The following GON4L variants were observed in gnomAD, a reference collection of about 807,000 sequenced individuals.
The protein encoded by GON4L is GON-4-like protein.
A neutral mutation model predicts 211.8 loss-of-function variants in GON4L; 87 were observed. The observed-to-expected ratio is 0.41, with a 90% CI of 0.35 to 0.49. The LOEUF (loss-of-function observed/expected upper bound fraction) is 0.49. Ranked by LOEUF, GON4L falls within the 20% of genes least tolerant of loss-of-function variation. The pLI is 0.15. For synonymous variants in GON4L, 875 were observed against 962.6 expected (o/e 0.91, Z 1.68); for missense variants, 2,155 against 2,659.5 (o/e 0.81, Z 4.17).
Position 155,758,116 on chromosome 1 carries a change from G to C in GON4L, c.5110-82C>G, listed in dbSNP as rs560086329. On this transcript the variant is annotated intron_variant, in intron 24 of 31. Transcript: ENST00000368331. ...GAGGGTTCTAAGGATAAGAACTAGT[G>C]GACTAGGACACAAGAGATGACAGAA... The C allele has an allele frequency of 3.1e-3, 455 of 145,070 alleles. 3 individuals carry two copies. The highest frequency in any genetic ancestry group is 0.013 in the African/African-American group (443 of 34,908). 9.0% of individuals were successfully genotyped at this position (145,070 alleles called of 1,614,324 possible). A position where few individuals can be genotyped will look rare whatever the true frequency, so the allele number is the denominator to read the frequency against.
At chr1:155,810,704 C>A (rs1667677696) in intron 10 of GON4L, among the ~76,000 whole-genome samples, 1 of 97,092 alleles carries the variant, frequency 1.0e-5, no homozygotes, top group African/African-American at 4.9e-5. Flanking sequence ...GAGACTCCGT[C>A]TCAAAAAAAA....
chr1:155,854,387 C>A (rs1557939139), intron 1 of GON4L, among the ~76,000 whole-genome samples: 1 of 152,130 alleles, frequency 6.6e-6, no homozygotes, highest in Non-Finnish European at 1.5e-5. Flanking sequence ...GAACTCCTGA[C>A]CTTGAGATCC....
chr1:155,842,125 C>T (rs937061838), intron 2 of GON4L, among the ~76,000 whole-genome samples: 7 of 152,094 alleles, frequency 4.6e-5, no homozygotes, highest in South Asian at 2.1e-4. Context: ...CCCTTTGGAA[C>T]TTAAGAGACC....
At chr1:155,790,684 G>A (rs1326056830) in intron 12 of GON4L, among the ~76,000 whole-genome samples, 2 of 151,908 alleles carry the variant, frequency 1.3e-5, no homozygotes, top group African/African-American at 2.4e-5. Context: ...AGTGGCTCAC[G>A]CCTGTAATCC....
At position 155,765,284 on chromosome 1, in the gene GON4L, G is replaced by A. The variant is rs751363939; in HGVS notation, c.4189C>T (p.Pro1397Ser). Residue 1397 changes from proline (P) to serine (S), a missense_variant, in exon 21 of 32, where the codon CCT becomes TCT. Around this residue, in one of 6 missense-constraint regions of GON4L, gnomAD observed 615 missense variants for 625.7 expected, o/e 0.98. Transcript: ENST00000368331. ...TCTGTCCCTGAGGTTCCTTCATCAGGGGGCTCTTGAGAAGATGAAGGGGTT... is the reference window on the plus strand; with the variant it reads ...TCTGTCCCTGAGGTTCCTTCATCAGAGGGCTCTTGAGAAGATGAAGGGGTT... ...TKTPSSSQEP[P>S]DEGTSGTDVN... 2.5e-6 allele frequency: 4 copies of A among 1,614,004 alleles called. No homozygotes were observed. The highest frequency in any genetic ancestry group is 2.2e-5 in the East Asian group (1 of 44,898).
At chr1:155,757,498 G>C (rs115003092) in intron 25 of GON4L, among the ~76,000 whole-genome samples, 175 bp from the exon 26 acceptor site, 2,209 of 152,256 alleles carry the variant, frequency 0.015, 59 homozygotes, top group African/African-American at 0.051. Context: ...GCTGCCTATA[G>C]GGGAAGGGTA....
At chr1:155,791,973 T>C (rs1033614031) in intron 12 of GON4L, among the ~76,000 whole-genome samples, 5 of 151,560 alleles carry the variant, frequency 3.3e-5, no homozygotes, top group African/African-American at 7.3e-5. Context: ...TATAAAAGGA[T>C]TGATCTTCCT....
rs780658063 is a variant in GON4L, at chr1:155,765,896, G to T, written c.3577C>A (p.Pro1193Thr). ...GAGGCCACAAGGGACTGGTTCAATGGACAGGGGAAGGAAGTAGGGTTAACC... is the reference window on the plus strand; with the variant it reads ...GAGGCCACAAGGGACTGGTTCAATGTACAGGGGAAGGAAGTAGGGTTAACC... Reference protein sequence around the residue: ...LLVNPTSFPCPLNQSLVASSV... With the variant: ...LLVNPTSFPCTLNQSLVASSV... The change falls in exon 21 of 32, where the codon CCA becomes ACA. Residue 1193 changes from proline (P) to threonine (T), a missense_variant. By Grantham distance (38) the Pro-to-Thr change is conservative. This residue lies in a region of GON4L where 615 missense variants were observed against 625.7 expected (regional missense o/e 0.98). Transcript: ENST00000368331. 1 of 1,614,170 alleles carries T rather than the reference G, an allele frequency of 6.2e-7. No individual in the cohort carries two copies. Among genetic ancestry groups the T allele is most frequent in the Non-Finnish European group, 8.5e-7 (1 of 1,180,034 alleles).
chr1:155,819,401 G>A lies in GON4L; in HGVS notation c.1014+1205C>T, dbSNP rs73001083. Among the ~76,000 whole-genome samples the A allele has an allele frequency of 5.6e-3, 853 of 152,248 alleles. 7 individuals are homozygous for A. The highest frequency in any genetic ancestry group is 0.019 in the African/African-American group (806 of 41,538). On this transcript the variant is annotated intron_variant, in intron 6 of 31. Transcript: ENST00000368331. ...CAACTGTAGGAAAAGTAATGTGGAA[G>A]AATACACCAATTCCTTTTCTTGCTT...
chr1:155,752,635 T>C (rs1660721839), intron 29 of GON4L, 45 bp from the exon 30 acceptor site: 5 of 1,555,260 alleles, frequency 3.2e-6, no homozygotes, highest in Non-Finnish European at 4.3e-6. Flanking sequence ...AGGTTCAAGA[T>C]GCACCTAAGC....
intron 6 of GON4L, 80 bp downstream of exon 6, chr1:155,820,526 C>G: frequency 1.1e-6 from 1 of 923,344 alleles, no homozygotes; most frequent in Non-Finnish European, 1.8e-6. Flanking sequence ...ACAATCTTTC[C>G]TATATTTTTC....
At chr1:155,801,112 CAAAAAAAAAAA>C (rs367752032) in intron 11 of GON4L, among the ~76,000 whole-genome samples, 1 of 73,628 alleles carries the variant, frequency 1.4e-5, no homozygotes, top group South Asian at 5.3e-4. Context: ...TGCTGCTGCT[CAAAAAAAAAAA>C]AAAAAAAAAA....
chr1:155,798,646 C>T (rs987067866), intron 11 of GON4L, among the ~76,000 whole-genome samples: 2 of 146,868 alleles, frequency 1.4e-5, no homozygotes, highest in Non-Finnish European at 3.0e-5. Flanking sequence ...GTCTCGATCT[C>T]CCGACCTCAT....
intron 11 of GON4L, among the ~76,000 whole-genome samples, chr1:155,798,170 G>C (rs1178094815): frequency 6.7e-6 from 1 of 149,594 alleles, no homozygotes. Flanking sequence ...CACAATCACT[G>C]AAAAATCTGT....
chr1:155,831,884 T>C (rs1019676431), intron 2 of GON4L, among the ~76,000 whole-genome samples: 1 of 151,964 alleles, frequency 6.6e-6, no homozygotes, highest in African/African-American at 2.4e-5. Context: ...ACCTCATCTC[T>C]TTAAAAAAAA....
At position 155,853,309 on chromosome 1, in the gene GON4L, C is replaced by T; in HGVS notation, c.472G>A (p.Gly158Arg). Residue 158 changes from glycine (G) to arginine (R), a missense_variant, in exon 2 of 32, where the codon GGA becomes AGA. This residue lies in a region of GON4L where 313 missense variants were observed against 293.2 expected (regional missense o/e 1.07). Transcript: ENST00000368331. ...TCCTTGACTTCTTCACTAGGCTCTCCTGAAAAAGGCTCCTTTAGGGTAAGA... is the reference window on the plus strand; with the variant it reads ...TCCTTGACTTCTTCACTAGGCTCTCTTGAAAAAGGCTCCTTTAGGGTAAGA... Reference protein sequence around the residue: ...DHLTLKEPFSGEPSEEVKEEG... With the variant: ...DHLTLKEPFSREPSEEVKEEG... The T allele has an allele frequency of 1.2e-6, 2 of 1,614,056 alleles. No individual in the cohort carries two copies. The highest frequency in any genetic ancestry group is 1.7e-6 in the Non-Finnish European group (2 of 1,179,918).
intron 2 of GON4L, among the ~76,000 whole-genome samples, chr1:155,840,825 G>C (rs891490031): frequency 6.6e-6 from 1 of 152,196 alleles, no homozygotes; most frequent in Non-Finnish European, 1.5e-5. Context: ...CTGAGGTCGG[G>C]AGTTCAAGAT....
intron 6 of GON4L, among the ~76,000 whole-genome samples, chr1:155,819,303 TA>T (rs1053952661): frequency 6.9e-6 from 1 of 144,744 alleles, no homozygotes; most frequent in African/African-American, 2.6e-5. Context: ...ACTCCCAAAA[TA>T]AAAAGGGGGG....
In GON4L at chr1:155,750,008, C is replaced by T; in HGVS notation, c.*576G>A. 2 of 1,413,494 alleles carry T rather than the reference C, an allele frequency of 1.4e-6. No homozygotes were observed. Among genetic ancestry groups the T allele is most frequent in the Non-Finnish European group, 9.7e-7 (1 of 1,033,108 alleles). The allele number at this position is 1,413,494 out of a possible 1,614,324, so 87.6% of individuals were successfully genotyped here. A position where few individuals can be genotyped will look rare whatever the true frequency, so the allele number is the denominator to read the frequency against. ...TGGAAGCCTTGGCCAGAGACCTCAC[C>T]AAACTCGACTTGCGGCGCTGGGCCA... On this transcript the variant is annotated 3_prime_UTR_variant, in exon 32 of 32. Transcript: ENST00000368331.
Sources: gnomAD v4.1 joint callset for allele counts (sites outside exome capture counted in the v4.1 genomes callset) on GRCh38, gnomAD v4.1.1 for gene constraint, gnomAD v4.1.1 regional missense constraint, MANE v1.5 for transcripts, NCBI Gene and HGNC (gene_info 2026-07-23, HGNC 2026-07-21) for gene names.